The following ZNF599 variants were observed in gnomAD, a reference collection of about 807,000 sequenced individuals.
ZNF599 encodes zinc finger protein 599.
ZNF599 carries 10 observed loss-of-function variants against 11.7 expected under a neutral mutation model. The ratio of observed to expected loss-of-function variants is 0.86; its 90% confidence interval spans 0.53 to 1.45. ZNF599 has a LOEUF of 1.45. Among genes scored for constraint, ZNF599 ranks in the 40% most tolerant of loss-of-function variants. The probability of loss-of-function intolerance (pLI) is 0.00; values close to 1 mark genes in which losing one functional copy is unlikely to be tolerated. For missense variants in ZNF599, 688 were observed against 713.6 expected, an observed-to-expected ratio of 0.96 and a Z score of 0.41; for synonymous variants, 232 against 253.2, an observed-to-expected ratio of 0.92 and a Z score of 0.79.
Position 34,769,492 on chromosome 19 carries a change from G to A in ZNF599, c.82C>T (p.Leu28=). The A allele has an allele frequency of 6.2e-7, 1 of 1,614,246 alleles. No homozygotes were observed. Among genetic ancestry groups the A allele is most frequent in the Non-Finnish European group, 8.5e-7 (1 of 1,180,042 alleles). The part of the protein sequence containing the change: ...FTGEEWGHLD[L]AQRTLYQEVM... ...TCCTGGTACAGGGTCCTCTGGGCCA[G>A]GTCCAGGTGCCCCCATTCCTCTCCA... The change falls in exon 2 of 4, where the codon CTG becomes TTG. Residue 28 remains leucine (L), a synonymous_variant. Transcript: ENST00000329285.
intron 1 of ZNF599, among the ~76,000 whole-genome samples, chr19:34,769,769 C>G (rs2069170271): frequency 6.6e-6 from 1 of 152,148 alleles, no homozygotes; most frequent in African/African-American, 2.4e-5. Context: ...GAAAATGATA[C>G]AAGACAATGA....
the ZNF599 span, among the ~76,000 whole-genome samples, chr19:34,789,634 G>A: frequency 1.3e-5 from 2 of 152,132 alleles, no homozygotes; most frequent in Admixed American, 1.3e-4. Flanking sequence ...TATAGTTATT[G>A]GTCATTTGTA....
At chr19:34,795,873 G>A in the ZNF599 span, among the ~76,000 whole-genome samples, 2 of 152,134 alleles carry the variant, frequency 1.3e-5, no homozygotes, top group South Asian at 4.1e-4. Context: ...CCAGGCTGGA[G>A]TGCAATGGCA....
chr19:34,787,732 C>T, the ZNF599 span, among the ~76,000 whole-genome samples: 4 of 152,208 alleles, frequency 2.6e-5, no homozygotes, highest in Non-Finnish European at 4.4e-5. Context: ...GTACTGCTCT[C>T]ATCAAGACTT....
At chr19:34,765,338 C>T in intron 3 of ZNF599, 3 of 529,946 alleles carry the variant, frequency 5.7e-6, no homozygotes, top group Non-Finnish European at 1.0e-5. Context: ...AAGACTGGAA[C>T]ATCCGTCTTG....
At chr19:34,804,612 C>T in the ZNF599 span, among the ~76,000 whole-genome samples, 4 of 152,224 alleles carry the variant, frequency 2.6e-5, no homozygotes, top group Admixed American at 6.5e-5. Flanking sequence ...ACCTTTGTGT[C>T]TACCAGTCCA....
chr19:34,783,226 G>A, the ZNF599 span, among the ~76,000 whole-genome samples: 1 of 152,230 alleles, frequency 6.6e-6, no homozygotes, highest in Admixed American at 6.5e-5. Context: ...ATCCCAAGAA[G>A]AGGGGCCATG....
At chr19:34,783,094 C>G in the ZNF599 span, among the ~76,000 whole-genome samples, 2 of 152,210 alleles carry the variant, frequency 1.3e-5, no homozygotes, top group African/African-American at 4.8e-5. Context: ...ACCAAATGTA[C>G]TCTGGGCCTG....
At chr19:34,770,364 A>C (rs1053453211) in intron 1 of ZNF599, among the ~76,000 whole-genome samples, 1 of 152,256 alleles carries the variant, frequency 6.6e-6, no homozygotes, top group African/African-American at 2.4e-5. Flanking sequence ...ATCCACAGTG[A>C]CAAGGGCTAA....
rs746923010 is a variant in ZNF599 at position 34,760,065 on chromosome 19, T to C, written c.736A>G (p.Met246Val). 6 of 1,614,020 alleles carry C rather than the reference T, an allele frequency of 3.7e-6. No homozygotes were observed. Among genetic ancestry groups the C allele is most frequent in the East Asian group, 4.5e-5 (2 of 44,878 alleles). ...GGTTTTTCCCCAGTATGAAGCCTCA[T>C]ATGTCGAATGACATCAGCCATATAA... is the stretch of plus-strand genomic sequence containing the variant. ...CRYMADVIRH[M>V]RLHTGEKPYK... The change falls in exon 4 of 4, where the codon ATG (methionine) becomes GTG (valine). Residue 246 changes from methionine (M) to valine (V), a missense_variant. Physicochemically the swap from Met to Val is conservative, Grantham distance 21 (BLOSUM62 1). Transcript: ENST00000329285.
At chr19:34,806,189 G>A in the ZNF599 span, among the ~76,000 whole-genome samples, 3 of 152,172 alleles carry the variant, frequency 2.0e-5, no homozygotes, top group Non-Finnish European at 4.4e-5. Flanking sequence ...AACTATGGGA[G>A]GACTCCATGG....
At chr19:34,781,984 G>A in the ZNF599 span, among the ~76,000 whole-genome samples, 2 of 152,170 alleles carry the variant, frequency 1.3e-5, no homozygotes, top group Non-Finnish European at 2.9e-5. Flanking sequence ...GAATGGGGAA[G>A]GAGTGATATG....
the ZNF599 span, among the ~76,000 whole-genome samples, chr19:34,799,883 C>T: frequency 6.6e-6 from 1 of 152,240 alleles, no homozygotes; most frequent in African/African-American, 2.4e-5. Context: ...ACAATGGCTA[C>T]ACCACTTTGC....
the ZNF599 span, among the ~76,000 whole-genome samples, chr19:34,800,126 C>T: frequency 4.6e-5 from 7 of 152,070 alleles, no homozygotes; most frequent in African/African-American, 1.2e-4. Context: ...TCAGTTGGGT[C>T]GTTTTGTTTT....
the ZNF599 span, among the ~76,000 whole-genome samples, chr19:34,790,239 A>G: frequency 6.6e-6 from 1 of 152,188 alleles, no homozygotes; most frequent in Non-Finnish European, 1.5e-5. Flanking sequence ...CATGCTTTAC[A>G]TTCAAAGGAC....
At chr19:34,799,090 C>T in the ZNF599 span, among the ~76,000 whole-genome samples, 35 of 152,118 alleles carry the variant, frequency 2.3e-4, no homozygotes, top group Non-Finnish European at 7.4e-5. Flanking sequence ...GCAACCTCCA[C>T]CTCCTGGACT....
At position 34,760,537 on chromosome 19, in the gene ZNF599, A is replaced by C; in HGVS notation, c.264T>G (p.Ile88Met). Residue 88 changes from isoleucine to methionine, a missense_variant, in exon 4 of 4, where the codon ATT becomes ATG. Ile to Met is a conservative substitution (Grantham distance 10, BLOSUM62 1). Coordinates refer to ENST00000329285, the MANE Select transcript of ZNF599 (RefSeq NM_001007248.3). ...CCAGCTGAGAAGCAGTAGGCTCTGT[A>C]ATCTTGGGTTTTGCTTTTTCACCTG... ...TCAGEKAKPK[I>M]TEPTASQLAF... is the part of the protein sequence containing the mutation. The C allele has an allele frequency of 6.2e-7, 1 of 1,601,562 alleles. No individual in the cohort carries two copies. Among genetic ancestry groups the C allele is most frequent in the Non-Finnish European group, 8.5e-7 (1 of 1,175,600 alleles).
At chr19:34,785,060 C>T in the ZNF599 span, among the ~76,000 whole-genome samples, 1 of 148,564 alleles carries the variant, frequency 6.7e-6, no homozygotes, top group African/African-American at 2.5e-5. Flanking sequence ...GACCGTCAGA[C>T]TCAACATGGC....
intron 2 of ZNF599, among the ~76,000 whole-genome samples, chr19:34,769,097 T>C (rs1416685743): frequency 6.6e-6 from 1 of 152,202 alleles, no homozygotes; most frequent in Admixed American, 6.5e-5. Flanking sequence ...AACCTCCCAT[T>C]ATCCACAGGT....
Sources: gnomAD v4.1 joint callset for allele counts (sites outside exome capture counted in the v4.1 genomes callset) on GRCh38, gnomAD v4.1.1 for gene constraint, MANE v1.5 for transcripts, NCBI Gene and HGNC (gene_info 2026-07-23, HGNC 2026-07-21) for gene names.